Variants in ZNF729 observed in about 807,000 individuals in gnomAD.
ZNF729 encodes the protein zinc finger protein 729.
In ZNF729, 15 loss-of-function variants were observed where a neutral mutation model predicts 12.2. The ratio of observed to expected loss-of-function variants is 1.23; its 90% CI spans 0.82 to 1.89. The LOEUF is 1.89. ZNF729 is among the 40% of genes most tolerant of loss of function. ZNF729 has a pLI of 0.00. For synonymous variants in ZNF729, 492 were observed against 476.3 expected (o/e 1.03, Z -0.43); for missense variants, 1,540 against 1,456.7 (o/e 1.06, Z -0.93).
chr19:22,313,017 C>T (rs1968470972), intron 3 of ZNF729, among the ~76,000 whole-genome samples: 1 of 151,284 alleles, frequency 6.6e-6, no homozygotes, highest in Non-Finnish European at 1.5e-5. Flanking sequence ...CTGGCCATGC[C>T]ACTGTTTTAT....
At chr19:22,306,062 C>T (rs1255411422) in intron 3 of ZNF729, among the ~76,000 whole-genome samples, 5 of 152,090 alleles carry the variant, frequency 3.3e-5, no homozygotes, top group African/African-American at 1.2e-4. Context: ...GTAGTCAGCC[C>T]ACCTTGGCCT....
chr19:22,300,751 A>G (rs1968294438), intron 1 of ZNF729, among the ~76,000 whole-genome samples: 1 of 152,202 alleles, frequency 6.6e-6, no homozygotes, highest in Non-Finnish European at 1.5e-5. Context: ...TTCACAGACT[A>G]TGGGGCCCAG....
At chr19:22,299,331 G>A (rs959520984) in intron 1 of ZNF729, 1 of 152,230 alleles carries the variant, frequency 6.6e-6, no homozygotes, top group Non-Finnish European at 1.5e-5. Flanking sequence ...CCAGGTTCAA[G>A]TGATTTTCCT....
Position 22,303,858 on chromosome 19 carries a change from A to T in ZNF729, c.131A>T (p.Glu44Val), listed in dbSNP as rs773950089. The change falls in exon 2 of 4, where the codon GAG becomes GTG. Residue 44 changes from glutamate (E) to valine (V), a missense_variant. Glu to Val is a moderately radical substitution (Grantham distance 121). Transcript: ENST00000601693. ...AATTTATATAGGGATGTGATGTTAG[A>T]GAACTACAGAAACCTGGTCTTCCTG... ...QQNLYRDVMLENYRNLVFLGM... is the reference protein window; with the variant it reads ...QQNLYRDVMLVNYRNLVFLGM... The T allele has an allele frequency of 6.4e-7, 1 of 1,572,228 alleles. No individual in the cohort carries two copies. Among genetic ancestry groups the T allele is most frequent in the Admixed American group, 1.7e-5 (1 of 58,430 alleles).
chr19:22,286,808 C>T (rs1296490037), intron 1 of ZNF729, among the ~76,000 whole-genome samples: 1 of 152,206 alleles, frequency 6.6e-6, no homozygotes, highest in Admixed American at 6.5e-5. Flanking sequence ...CCGCTCTGCA[C>T]CCGCATGGCC....
chr19:22,300,192 C>T (rs1968286423), intron 1 of ZNF729, among the ~76,000 whole-genome samples: 1 of 152,186 alleles, frequency 6.6e-6, no homozygotes, highest in Non-Finnish European at 1.5e-5. Context: ...TGTCATTGAA[C>T]ATAACTGATT....
At position 22,313,687 on chromosome 19, in the gene ZNF729, T is replaced by C. The variant is rs45573533; in HGVS notation, c.270T>C (p.Phe90=). ...TTCTTCTAGTTATGCGTTCTCATTT[T>C]ACACAAGACCTTTGGCCAGATCAGA... is the stretch of plus-strand genomic sequence containing the variant. ...VTKPPVMRSH[F]TQDLWPDQST... is the part of the protein sequence containing the mutation. The change falls in exon 4 of 4, where the codon TTT becomes TTC. Residue 90 remains phenylalanine, a synonymous_variant. Coordinates refer to ENST00000601693, the MANE Select transcript of ZNF729 (RefSeq NM_001242680.2). 15,019 of 1,497,024 alleles carry C rather than the reference T, an allele frequency of 0.01. 74 individuals are homozygous for C. Among genetic ancestry groups the C allele is most frequent in the Non-Finnish European group, 0.012 (13,137 of 1,129,874 alleles). 92.7% of individuals were successfully genotyped at this position (1,497,024 alleles called of 1,614,324 possible).
Position 22,314,213 on chromosome 19 carries a change from T to A in ZNF729, c.796T>A (p.Cys266Ser). 1 of 1,603,514 alleles carries A rather than the reference T, an allele frequency of 6.2e-7. No homozygotes were observed. Among genetic ancestry groups the A allele is most frequent in the Non-Finnish European group, 8.5e-7 (1 of 1,175,478 alleles). The change falls in exon 4 of 4, where the codon TGT (cysteine) becomes AGT (serine). Residue 266 changes from cysteine to serine, a missense_variant. Coordinates refer to ENST00000601693, the MANE Select transcript of ZNF729 (RefSeq NM_001242680.2). ...RIHTGETPFR[C>S]EECGKAFNQS... The stretch of plus-strand genomic sequence containing the variant: ...TCATACTGGAGAGACACCTTTCAGA[T>A]GTGAAGAATGTGGCAAAGCTTTTAA...
At chr19:22,307,629 G>A (rs1017042238) in intron 3 of ZNF729, among the ~76,000 whole-genome samples, 5 of 150,760 alleles carry the variant, frequency 3.3e-5, no homozygotes, top group Middle Eastern at 3.4e-3. Context: ...TGTAGTCCCA[G>A]GTACTCGGGA....
chr19:22,291,285 A>C (rs1406114197), intron 1 of ZNF729, among the ~76,000 whole-genome samples: 2 of 152,180 alleles, frequency 1.3e-5, no homozygotes, highest in Admixed American at 6.5e-5. Flanking sequence ...CTGTGATTTC[A>C]GATCTCCTCC....
At chr19:22,293,254 C>T (rs1361248820) in intron 1 of ZNF729, among the ~76,000 whole-genome samples, 3 of 152,100 alleles carry the variant, frequency 2.0e-5, no homozygotes, top group African/African-American at 7.2e-5. Context: ...GGCATAATCT[C>T]AGCAAACGGC....
chr19:22,290,818 A>G (rs1241953237), intron 1 of ZNF729, among the ~76,000 whole-genome samples: 1 of 152,194 alleles, frequency 6.6e-6, no homozygotes, highest in East Asian at 1.9e-4. Context: ...GTAAGAAAAG[A>G]GCACCATCTA....
intron 3 of ZNF729, among the ~76,000 whole-genome samples, chr19:22,312,637 A>G (rs1026248225): frequency 6.6e-6 from 1 of 152,134 alleles, no homozygotes; most frequent in Non-Finnish European, 1.5e-5. Context: ...TTCTTTCAGC[A>G]CTTTATGTCA....
rs961496047 is a variant in ZNF729, at chr19:22,293,651, C to A, written c.30+7096C>A. 3.0e-4 allele frequency among the ~76,000 whole-genome samples: 46 copies of A among 151,596 alleles called. 1 individual carries two copies. The highest frequency in any genetic ancestry group is 8.2e-4 in the African/African-American group (34 of 41,280). On this transcript the variant is annotated intron_variant, in intron 1 of 3. Transcript: ENST00000601693. Reference sequence around the variant, plus strand: ...GGAATTATAGGTGTCCACCACCACACGTGGCTAATTTTTTGTATTTTTAGT... The same window carrying A: ...GGAATTATAGGTGTCCACCACCACAAGTGGCTAATTTTTTGTATTTTTAGT...
At chr19:22,308,499 T>A (rs904856338) in intron 3 of ZNF729, among the ~76,000 whole-genome samples, 1 of 152,128 alleles carries the variant, frequency 6.6e-6, no homozygotes, top group African/African-American at 2.4e-5. Flanking sequence ...AGTGTAGAAG[T>A]GTTCCCTGAT....
At chr19:22,290,498 G>A (rs1251327867) in intron 1 of ZNF729, among the ~76,000 whole-genome samples, 2 of 152,168 alleles carry the variant, frequency 1.3e-5, no homozygotes, top group Non-Finnish European at 2.9e-5. Context: ...GTTTCATATG[G>A]AAGAGCAAAC....
At chr19:22,293,821 G>A (rs552093319) in intron 1 of ZNF729, among the ~76,000 whole-genome samples, 1 of 152,192 alleles carries the variant, frequency 6.6e-6, no homozygotes, top group South Asian at 2.1e-4. Context: ...TAAGGAGGTC[G>A]TTTGTTTGTT....
chr19:22,292,492 A>G (rs1194524613), intron 1 of ZNF729, among the ~76,000 whole-genome samples: 1 of 151,990 alleles, frequency 6.6e-6, no homozygotes, highest in Non-Finnish European at 1.5e-5. Context: ...AGGCTGGAGT[A>G]TAGTGGCATG....
At chr19:22,302,108 T>A (rs964389931) in intron 1 of ZNF729, among the ~76,000 whole-genome samples, 4 of 152,310 alleles carry the variant, frequency 2.6e-5, no homozygotes, top group African/African-American at 9.6e-5. Context: ...AAATGAGTCA[T>A]CCTGTGTTTG....
Sources: gnomAD v4.1 joint callset for allele counts (sites outside exome capture counted in the v4.1 genomes callset) on GRCh38, gnomAD v4.1.1 for gene constraint, MANE v1.5 for transcripts, NCBI Gene and HGNC (gene_info 2026-07-23, HGNC 2026-07-21) for gene names.